PEMT: variants seen among roughly 807,000 people sequenced by gnomAD.
PEMT encodes the protein phosphatidylethanolamine N-methyltransferase, also known as phospholipid methyltransferase.
In PEMT, 23 loss-of-function variants were observed where a neutral mutation model predicts 27.4. The ratio of observed to expected loss-of-function variants is 0.84; its 90% CI spans 0.60 to 1.19. The LOEUF is 1.19. Among genes scored for constraint, PEMT ranks in the 50% most tolerant of loss-of-function variants. The pLI, the probability that PEMT is intolerant of heterozygous loss-of-function variation, is 0.00. For missense variants in PEMT, 307 were observed against 310.1 expected (o/e 0.99, Z 0.07); for synonymous variants, 137 against 139.1 (o/e 0.98, Z 0.11).
chr17:17,522,296 A>G lies in PEMT; in HGVS notation c.304T>C (p.Phe102Leu), dbSNP rs763714624. 2.5e-6 allele frequency: 4 copies of G among 1,613,102 alleles called. No homozygotes were observed. In the South Asian group the frequency reaches 4.4e-5, roughly 18 times the overall value. ...SLSVTILLLN[F>L]LRSHCFTQAM... Reference sequence around the variant, plus strand: ...TGTGCTTACCAGTGCGAGCGCAGGAAGTTCAGGAGCAGGATGGTGACGCTT... The same window carrying G: ...TGTGCTTACCAGTGCGAGCGCAGGAGGTTCAGGAGCAGGATGGTGACGCTT... The change falls in exon 3 of 7, where the codon TTC (phenylalanine) becomes CTC (leucine). Residue 102 changes from phenylalanine to leucine, a missense_variant. Physicochemically the swap from Phe to Leu is conservative, Grantham distance 22. Transcript: ENST00000255389.
intron 2 of PEMT, among the ~76,000 whole-genome samples, chr17:17,542,544 T>C (rs1487826010): frequency 2.0e-5 from 3 of 152,176 alleles, no homozygotes; most frequent in Non-Finnish European, 2.9e-5. Flanking sequence ...GGCTGAACCA[T>C]GCCAAGGACA....
chr17:17,569,854 G>T (rs1461030271), intron 2 of PEMT, among the ~76,000 whole-genome samples: 1 of 152,212 alleles, frequency 6.6e-6, no homozygotes, highest in Non-Finnish European at 1.5e-5. Flanking sequence ...ACAGGGCATG[G>T]CAGGGCAGGG....
chr17:17,532,174 C>A (rs945054837), intron 2 of PEMT, among the ~76,000 whole-genome samples: 2 of 152,204 alleles, frequency 1.3e-5, no homozygotes, highest in African/African-American at 4.8e-5. Flanking sequence ...TGCAATTCAA[C>A]TTTGTACTAG....
Position 17,561,646 on chromosome 17 carries a change from A to C in PEMT, c.204+15274T>G, listed in dbSNP as rs1273030894. 2.6e-5 allele frequency among the ~76,000 whole-genome samples: 4 copies of C among 152,154 alleles called. No homozygotes were observed. Among genetic ancestry groups the C allele is most frequent in the Non-Finnish European group, 5.9e-5 (4 of 68,024 alleles). On this transcript the variant is annotated intron_variant, in intron 2 of 6. Coordinates refer to ENST00000255389, the MANE Select transcript of PEMT (RefSeq NM_148172.3). The surrounding 1 kb of genome is among the most constrained non-coding windows in gnomAD (Gnocchi z 4.5). ...CTGTGCCTGGGTCACAGATGAGAAT[A>C]CCAAGGCTCGGAGAAGCCAGGAACC...
At chr17:17,563,077 C>A (rs769194867) in intron 2 of PEMT, among the ~76,000 whole-genome samples, 1 of 152,194 alleles carries the variant, frequency 6.6e-6, no homozygotes, top group African/African-American at 2.4e-5. Flanking sequence ...ACTAGGACAG[C>A]CTGGCCGAGG....
In PEMT at chr17:17,527,386, A is replaced by G. The variant is rs570925445; in HGVS notation, c.205-4991T>C. 6.6e-5 allele frequency among the ~76,000 whole-genome samples: 10 copies of G among 152,272 alleles called. 1 individual carries two copies. The South Asian group carries it at 2.1e-3, about 32-fold the overall frequency. ...TTGAAGTGAGACACGGCTCCTTCGCACTCACTGAAGGACTGATGGGCAAGT... is the reference window on the plus strand; with the variant it reads ...TTGAAGTGAGACACGGCTCCTTCGCGCTCACTGAAGGACTGATGGGCAAGT... On this transcript the variant is annotated intron_variant, in intron 2 of 6. Transcript: ENST00000255389.
At chr17:17,585,990 G>C (rs958572246) in intron 1 of PEMT, among the ~76,000 whole-genome samples, 4 of 151,406 alleles carry the variant, frequency 2.6e-5, no homozygotes, top group African/African-American at 9.7e-5. Flanking sequence ...GGCTGAAGCA[G>C]GAGAATGGCG....
At chr17:17,548,840 C>T (rs1320195228) in intron 2 of PEMT, among the ~76,000 whole-genome samples, 1 of 152,122 alleles carries the variant, frequency 6.6e-6, no homozygotes, top group Admixed American at 6.5e-5. Context: ...CCGCCGAGTC[C>T]GGCCGAGTAC....
intron 2 of PEMT, among the ~76,000 whole-genome samples, chr17:17,527,452 C>T (rs1315725918): frequency 1.3e-5 from 2 of 152,238 alleles, no homozygotes; most frequent in African/African-American, 4.8e-5. Context: ...TGGCTCCCAG[C>T]GCCAGGTTCT....
chr17:17,562,007 G>C (rs1024578773), intron 2 of PEMT, among the ~76,000 whole-genome samples: 4 of 152,332 alleles, frequency 2.6e-5, no homozygotes, highest in Non-Finnish European at 5.9e-5. Flanking sequence ...CCGGATCCAC[G>C]AGAGGCGCTT....
chr17:17,522,535 C>T (rs1222066251), intron 2 of PEMT, 140 bp from the exon 3 acceptor site: 6 of 642,806 alleles, frequency 9.3e-6, no homozygotes, highest in Non-Finnish European at 1.7e-5. Flanking sequence ...GGAGCAACAA[C>T]CACATGCACC....
intron 1 of PEMT, among the ~76,000 whole-genome samples, chr17:17,589,993 C>T (rs992708218): frequency 2.0e-5 from 3 of 152,156 alleles, no homozygotes; most frequent in African/African-American, 7.2e-5. Flanking sequence ...GGCCCTGGGG[C>T]AGGCCCCTAG....
intron 3 of PEMT, among the ~76,000 whole-genome samples, chr17:17,520,003 T>G (rs1303288326): frequency 6.6e-6 from 1 of 152,176 alleles, no homozygotes; most frequent in East Asian, 1.9e-4. Flanking sequence ...CGGCATGCTC[T>G]AGGGAGCAGG....
chr17:17,526,137 GC>G (rs1907645461), intron 2 of PEMT, among the ~76,000 whole-genome samples: 1 of 152,148 alleles, frequency 6.6e-6, no homozygotes, highest in African/African-American at 2.4e-5. Context: ...CAGTAGCCCA[GC>G]CTCTCCCACA....
chr17:17,506,544 G>A (rs1009787956), intron 5 of PEMT, among the ~76,000 whole-genome samples: 2 of 152,218 alleles, frequency 1.3e-5, no homozygotes, highest in African/African-American at 4.8e-5. Flanking sequence ...TGGCCTGGCT[G>A]GGTTCCCTCA....
At chr17:17,554,774 C>G (rs1347550995) in intron 2 of PEMT, among the ~76,000 whole-genome samples, 2 of 152,096 alleles carry the variant, frequency 1.3e-5, no homozygotes, top group African/African-American at 4.8e-5. Context: ...CGCCACCACT[C>G]CTGGCTAATT....
chr17:17,556,659 C>A lies in PEMT; in HGVS notation c.204+20261G>T, dbSNP rs547174857. Among the ~76,000 whole-genome samples the A allele has an allele frequency of 2.0e-5, 3 of 152,270 alleles. No homozygotes were observed. The South Asian group carries it at 6.2e-4, about 32-fold the overall frequency. On this transcript the variant is annotated intron_variant, in intron 2 of 6. Transcript: ENST00000255389. ...AAAGTGCTGGGATTACAGGTGTGAGCCGCTGCGCCTGGCCCTTCCTGCAAA... is the reference window on the plus strand; with the variant it reads ...AAAGTGCTGGGATTACAGGTGTGAGACGCTGCGCCTGGCCCTTCCTGCAAA...
In PEMT at chr17:17,513,800, C is replaced by T. The variant is rs1188587611; in HGVS notation, c.321-1146G>A. ...GGGGCCCTGGGTGCTAGATGAGAGG[C>T]ACACTCACAGGAAAGGCTGTGTGTG... On this transcript the variant is annotated intron_variant, in intron 3 of 6. Transcript: ENST00000255389. This position sits in a 1 kb window ranked among gnomAD's most constrained non-coding sequence, Gnocchi z 4.1. Among the ~76,000 whole-genome samples, 1 of 152,082 alleles carries T rather than the reference C, an allele frequency of 6.6e-6. No individual in the cohort carries two copies. The highest frequency in any genetic ancestry group is 1.5e-5 in the Non-Finnish European group (1 of 68,020).
At chr17:17,550,173 C>G (rs3803759) in intron 2 of PEMT, among the ~76,000 whole-genome samples, 3 of 152,236 alleles carry the variant, frequency 2.0e-5, no homozygotes, top group East Asian at 1.9e-4. Context: ...CCCACCACCC[C>G]CCTCTGGAAC....
Sources: allele counts gnomAD v4.1 joint callset (sites outside exome capture counted in the v4.1 genomes callset), GRCh38; gene constraint gnomAD v4.1.1; non-coding constraint Gnocchi (gnomAD v3.1); transcripts MANE v1.5; gene names NCBI Gene and HGNC (gene_info 2026-07-23, HGNC 2026-07-21).